The following CAPS2 variants were observed in gnomAD, a reference collection of about 807,000 sequenced individuals.
CAPS2 encodes calcyphosin-2.
CAPS2 carries 98 observed loss-of-function variants against 86.5 expected under a neutral mutation model. That is an observed-to-expected ratio of 1.13 (90% CI 0.96 to 1.34). The LOEUF (loss-of-function observed/expected upper bound fraction) is 1.34. CAPS2 is among the 40% of genes most tolerant of loss of function. CAPS2 has a pLI of 0.00. For missense variants in CAPS2, 729 were observed against 686.8 expected (o/e 1.06, Z -0.69); for synonymous variants, 210 against 225.1 (o/e 0.93, Z 0.60).
At chr12:75,363,476 A>G (rs1275844361) in intron 1 of CAPS2, among the ~76,000 whole-genome samples, 2 of 152,084 alleles carry the variant, frequency 1.3e-5, no homozygotes, top group Non-Finnish European at 2.9e-5. Flanking sequence ...AATGCTTCTT[A>G]TTTTTACTCG....
chr12:75,327,799 T>A (rs559647227), upstream of CAPS2, among the ~76,000 whole-genome samples: 1 of 149,686 alleles, frequency 6.7e-6, no homozygotes, highest in Non-Finnish European at 1.5e-5. Flanking sequence ...TATTACAATA[T>A]ACTTTATTTA....
intron 1 of CAPS2, among the ~76,000 whole-genome samples, chr12:75,376,905 G>T (rs1385436165): frequency 2.0e-5 from 3 of 152,044 alleles, no homozygotes; most frequent in Non-Finnish European, 4.4e-5. Context: ...CTCAGTATGG[G>T]CTTCTGGAGC....
At chr12:75,329,624 A>T (rs1283123137), upstream of CAPS2, among the ~76,000 whole-genome samples, 1 of 152,152 alleles carries the variant, frequency 6.6e-6, no homozygotes, top group Admixed American at 6.5e-5. Context: ...TCAGCCCATA[A>T]ATAAGAAAAA....
intron 6 of CAPS2, 64 bp downstream of exon 6, chr12:75,316,248 T>C: frequency 1.3e-6 from 2 of 1,532,020 alleles, no homozygotes; most frequent in Non-Finnish European, 1.8e-6. Context: ...ATTCAGTCTT[T>C]AAAATCTTAG....
chr12:75,376,549 G>A (rs1487422938), intron 1 of CAPS2, among the ~76,000 whole-genome samples: 1 of 152,150 alleles, frequency 6.6e-6, no homozygotes, highest in Non-Finnish European at 1.5e-5. Context: ...GGCAGTACAG[G>A]GTTAATCTCC....
chr12:75,339,260 C>A (rs2041943459), intron 1 of CAPS2, among the ~76,000 whole-genome samples: 1 of 152,272 alleles, frequency 6.6e-6, no homozygotes, highest in East Asian at 1.9e-4. Context: ...ACACTGCCAG[C>A]ACCTGTTTCT....
exon 4 of CAPS2, chr12:75,323,040 T>C (rs1266414728): frequency 5.2e-6 from 8 of 1,550,866 alleles, no homozygotes; most frequent in Non-Finnish European, 6.1e-6. Flanking sequence ...GAGTAGAAGA[T>C]GAATTTGGCA....
chr12:75,341,701 C>T (rs934895357), intron 1 of CAPS2, among the ~76,000 whole-genome samples: 2 of 151,522 alleles, frequency 1.3e-5, no homozygotes, highest in Non-Finnish European at 2.9e-5. Context: ...CCGCATCGGC[C>T]GCCCAAAGTG....
chr12:75,348,425 A>G (rs1264089442), intron 1 of CAPS2, among the ~76,000 whole-genome samples: 3 of 152,216 alleles, frequency 2.0e-5, no homozygotes, highest in African/African-American at 7.2e-5. Flanking sequence ...TTCTTCCATG[A>G]CCTTTCACTT....
intron 1 of CAPS2, among the ~76,000 whole-genome samples, chr12:75,352,457 C>G (rs1029284640): frequency 1.3e-5 from 2 of 152,202 alleles, no homozygotes; most frequent in African/African-American, 4.8e-5. Flanking sequence ...AGCTAACTGT[C>G]CTAAATATAT....
intron 5 of CAPS2, among the ~76,000 whole-genome samples, chr12:75,316,657 TTAA>T (rs1451887991): frequency 1.3e-5 from 2 of 152,036 alleles, no homozygotes; most frequent in East Asian, 3.9e-4. Context: ...AAAATGCGAA[TTAA>T]TAATAGGAAC....
chr12:75,279,957 A>T (rs190603324), intron 16 of CAPS2, among the ~76,000 whole-genome samples: 1 of 152,024 alleles, frequency 6.6e-6, no homozygotes, highest in African/African-American at 2.4e-5. Flanking sequence ...ACTCAAATTT[A>T]TATTTCAAAT....
chr12:75,374,944 T>C lies in CAPS2; in HGVS notation c.-395+15894A>G, dbSNP rs542026702. Among the ~76,000 whole-genome samples the C allele has an allele frequency of 4.6e-5, 7 of 152,364 alleles. No homozygotes were observed. In the East Asian group the frequency reaches 7.7e-4, roughly 17 times the overall value. Reference sequence around the variant, plus strand: ...CATTGTCCAAGATCCATTTATCTTCTGCACAGGCCAAATGAGAGAGCTGAA... The same window carrying C: ...CATTGTCCAAGATCCATTTATCTTCCGCACAGGCCAAATGAGAGAGCTGAA... On this transcript the variant is annotated intron_variant, in intron 1 of 5. Coordinates refer to the CAPS2 transcript ENST00000551829.
chr12:75,324,404 A>G (rs2139051777), intron 2 of CAPS2, among the ~76,000 whole-genome samples: 1 of 152,348 alleles, frequency 6.6e-6, no homozygotes, highest in African/African-American at 2.4e-5. Flanking sequence ...AATCAACTTA[A>G]TATATGCTCA....
chr12:75,385,609 A>G (rs1008397879), intron 1 of CAPS2, among the ~76,000 whole-genome samples: 29 of 152,194 alleles, frequency 1.9e-4, no homozygotes, highest in African/African-American at 7.0e-4. Context: ...ATCCTTGCTA[A>G]TACAATAAGA....
chr12:75,276,246 A>G, downstream of CAPS2: 1 of 1,542,708 alleles, frequency 6.5e-7, no homozygotes, highest in South Asian at 1.2e-5. Flanking sequence ...TTGCTGGTCA[A>G]CCTAGTAGTG....
At chr12:75,304,686 A>G (rs545317816) in intron 8 of CAPS2, 71 bp downstream of exon 8, 3 of 1,165,658 alleles carry the variant, frequency 2.6e-6, no homozygotes, top group East Asian at 5.3e-5. Flanking sequence ...CCAGCTAGAC[A>G]CAGAAGTACA....
chr12:75,315,599 G>A (rs927993061), intron 6 of CAPS2, among the ~76,000 whole-genome samples: 4 of 152,136 alleles, frequency 2.6e-5, no homozygotes, highest in Non-Finnish European at 4.4e-5. Flanking sequence ...AATGATAATA[G>A]TAATGTAACT....
At chr12:75,330,718 T>A (rs1311815578), upstream of CAPS2, among the ~76,000 whole-genome samples, 1 of 152,068 alleles carries the variant, frequency 6.6e-6, no homozygotes, top group Non-Finnish European at 1.5e-5. Context: ...GTATATATAA[T>A]TAAAATTTAA....
Sources: gnomAD v4.1 joint callset for allele counts (sites outside exome capture counted in the v4.1 genomes callset) on GRCh38, gnomAD v4.1.1 for gene constraint, MANE v1.5 for transcripts, NCBI Gene and HGNC (gene_info 2026-07-23, HGNC 2026-07-21) for gene names.